The following LARS2 variants were observed in gnomAD, a reference collection of about 807,000 sequenced individuals.
LARS2 encodes leucyl-tRNA synthetase 2, mitochondrial.
Under a neutral mutation model 116.6 loss-of-function variants are expected in LARS2, and 81 were observed. The ratio of observed to expected loss-of-function variants is 0.69; its 90% CI spans 0.58 to 0.84. LARS2 has a LOEUF of 0.84. Among genes scored for constraint, LARS2 ranks in the 40% least tolerant of loss-of-function variants. LARS2 has a pLI of 0.00. For missense variants in LARS2, 968 were observed against 1,114.5 expected (o/e 0.87, Z 1.87); for synonymous variants, 396 against 407.2 (o/e 0.97, Z 0.33).
intron 4 of LARS2, among the ~76,000 whole-genome samples, chr3:45,408,493 A>C (rs1698270664): frequency 6.6e-6 from 1 of 152,252 alleles, no homozygotes; most frequent in African/African-American, 2.4e-5. Context: ...TTTGTACGGC[A>C]GAAGGGCTGA....
At chr3:45,443,029 A>G (rs1358386630) in intron 6 of LARS2, among the ~76,000 whole-genome samples, 1 of 152,202 alleles carries the variant, frequency 6.6e-6, no homozygotes, top group Non-Finnish European at 1.5e-5. Context: ...AGATGCCAGT[A>G]GCACACATAC....
intron 14 of LARS2, among the ~76,000 whole-genome samples, chr3:45,497,286 T>G (rs1700029191): frequency 6.6e-6 from 1 of 151,966 alleles, no homozygotes. Flanking sequence ...ATGTGTTTAT[T>G]TGAACCCCGC....
At chr3:45,493,445 G>C (rs1477637626) in intron 13 of LARS2, among the ~76,000 whole-genome samples, 2 of 152,172 alleles carry the variant, frequency 1.3e-5, no homozygotes, top group Non-Finnish European at 2.9e-5. Flanking sequence ...TACTGAGCCA[G>C]TGTGGCCGAG....
intron 4 of LARS2, among the ~76,000 whole-genome samples, chr3:45,406,922 T>C (rs1698242577): frequency 6.6e-6 from 1 of 152,220 alleles, no homozygotes; most frequent in South Asian, 2.1e-4. Context: ...ATATGTTGTA[T>C]GCACAGATGG....
intron 6 of LARS2, among the ~76,000 whole-genome samples, chr3:45,429,273 G>A (rs1247779557): frequency 2.0e-5 from 3 of 152,190 alleles, no homozygotes; most frequent in Non-Finnish European, 4.4e-5. Context: ...CAAGGTGTTG[G>A]TAGAGCTGTG....
intron 20 of LARS2, 80 bp downstream of exon 20, chr3:45,524,188 T>G: frequency 1.2e-6 from 1 of 860,432 alleles, no homozygotes; most frequent in Non-Finnish European, 2.0e-6. Flanking sequence ...CATTCGGGAC[T>G]CAGATGTCCT....
chr3:45,535,441 C>T (rs1011489664), intron 20 of LARS2, among the ~76,000 whole-genome samples: 2 of 151,746 alleles, frequency 1.3e-5, no homozygotes, highest in African/African-American at 4.8e-5. Context: ...GTGTTGGAGA[C>T]GTAATTTCAC....
intron 6 of LARS2, among the ~76,000 whole-genome samples, chr3:45,438,467 G>C (rs1698842903): frequency 6.6e-6 from 1 of 151,950 alleles, no homozygotes; most frequent in Non-Finnish European, 1.5e-5. Context: ...GACCACTGCG[G>C]GAATGGTCTG....
In LARS2 at chr3:45,531,965, A is replaced by G. The variant is rs189560107; in HGVS notation, c.2404+7857A>G. On this transcript the variant is annotated intron_variant, in intron 20 of 21. Coordinates refer to ENST00000645846, the MANE Select transcript of LARS2 (RefSeq NM_015340.4). ...TATAATTTTTTAAATTTTTATTTGCATATTTGTTTTCTATCCTAATTCCCT... is the reference window on the plus strand; with the variant it reads ...TATAATTTTTTAAATTTTTATTTGCGTATTTGTTTTCTATCCTAATTCCCT... Among the ~76,000 whole-genome samples, 443 of 152,296 alleles carry G rather than the reference A, an allele frequency of 2.9e-3. 1 individual carries two copies. Among genetic ancestry groups the G allele is most frequent in the African/African-American group, 0.01 (419 of 41,566 alleles).
chr3:45,535,678 A>C (rs1700692495), intron 20 of LARS2, among the ~76,000 whole-genome samples: 1 of 150,678 alleles, frequency 6.6e-6, no homozygotes, highest in Admixed American at 6.6e-5. Flanking sequence ...TGATGATGGA[A>C]CTCTTCTGGC....
chr3:45,404,183 A>G (rs1698198219), intron 4 of LARS2, among the ~76,000 whole-genome samples: 1 of 152,198 alleles, frequency 6.6e-6, no homozygotes, highest in Admixed American at 6.5e-5. Context: ...ATCAGCAGAT[A>G]CCTAAGGTTG....
At chr3:45,396,453 C>T (rs1024010718) in intron 3 of LARS2, among the ~76,000 whole-genome samples, 2 of 152,196 alleles carry the variant, frequency 1.3e-5, no homozygotes, top group Non-Finnish European at 2.9e-5. Context: ...TGAAGTGGTA[C>T]ATAAATAAAA....
chr3:45,477,808 A>G (rs1406199396), intron 10 of LARS2, among the ~76,000 whole-genome samples: 1 of 152,250 alleles, frequency 6.6e-6, no homozygotes, highest in Non-Finnish European at 1.5e-5. Flanking sequence ...TTAAGTTGCC[A>G]TCTCTGAAAT....
At chr3:45,400,147 T>G (rs2125675384) in intron 3 of LARS2, 98 bp from the exon 4 acceptor site, 6 of 1,146,990 alleles carry the variant, frequency 5.2e-6, no homozygotes, top group Middle Eastern at 2.1e-4. Context: ...ACTTTTAAAA[T>G]GTTAAATTAT....
chr3:45,506,919 A>C (rs1301857167), intron 15 of LARS2: 2 of 152,060 alleles, frequency 1.3e-5, no homozygotes, highest in Non-Finnish European at 2.9e-5. Flanking sequence ...TACCTTACGT[A>C]AGAGGCTGGC....
At chr3:45,491,868 C>G in intron 13 of LARS2, 68 bp downstream of exon 13, 1 of 1,421,152 alleles carries the variant, frequency 7.0e-7, no homozygotes, top group Non-Finnish European at 9.7e-7. Flanking sequence ...CTTCAGACAG[C>G]CTCCTCCCTC....
chr3:45,500,013 T>C (rs1700092789), intron 14 of LARS2, among the ~76,000 whole-genome samples: 1 of 152,180 alleles, frequency 6.6e-6, no homozygotes, highest in Non-Finnish European at 1.5e-5. Flanking sequence ...TTGTCTGTTT[T>C]GTTTTTGAGA....
chr3:45,428,173 G>A (rs569905400), intron 6 of LARS2, among the ~76,000 whole-genome samples: 1 of 148,988 alleles, frequency 6.7e-6, no homozygotes, highest in Admixed American at 6.7e-5. Context: ...TGGGTTTTTT[G>A]GTTCTTTTTC....
chr3:45,403,290 G>A (rs1698184135), intron 4 of LARS2, among the ~76,000 whole-genome samples: 1 of 152,004 alleles, frequency 6.6e-6, no homozygotes, highest in South Asian at 2.1e-4. Context: ...ATTAGTGAGT[G>A]CAGGCAAATT....
Sources: gnomAD v4.1 joint callset for allele counts (sites outside exome capture counted in the v4.1 genomes callset) on GRCh38, gnomAD v4.1.1 for gene constraint, MANE v1.5 for transcripts, NCBI Gene and HGNC (gene_info 2026-07-23, HGNC 2026-07-21) for gene names.